JDP2: variants seen among roughly 807,000 people sequenced by gnomAD.
JDP2 encodes the protein Jun dimerization protein 2.
JDP2 carries 9 observed loss-of-function variants against 17.1 expected under a neutral mutation model. The ratio of observed to expected loss-of-function variants is 0.53; its 90% CI spans 0.32 to 0.92. JDP2 has a LOEUF of 0.92. Among genes scored for constraint, JDP2 ranks in the 40% least tolerant of loss-of-function variants. JDP2 has a pLI of 0.04. For synonymous variants in JDP2, 107 were observed against 95.6 expected (o/e 1.12, Z -0.69); for missense variants, 179 against 220.0 (o/e 0.81, Z 1.18).
chr14:75,455,108 C>G (rs527810924), intron 2 of JDP2, among the ~76,000 whole-genome samples: 2 of 152,116 alleles, frequency 1.3e-5, no homozygotes, highest in Admixed American at 1.3e-4. Context: ...AGTCCTTAAT[C>G]GGCTCCAGGG....
In JDP2 at chr14:75,471,154, T is replaced by A. The variant is rs1886801484; in HGVS notation, c.*1679T>A. The A allele has an allele frequency of 6.6e-6, 1 of 152,206 alleles. No individual in the cohort carries two copies. The highest frequency in any genetic ancestry group is 2.4e-5 in the African/African-American group (1 of 41,434). 9.4% of individuals were successfully genotyped at this position (152,206 alleles called of 1,614,324 possible). Reference sequence around the variant, plus strand: ...ATGAGGCCACAGTTATAGATTTAGTTTCTGGGAAGGCTGGATAGAGTTCCA... The same window carrying A: ...ATGAGGCCACAGTTATAGATTTAGTATCTGGGAAGGCTGGATAGAGTTCCA... On this transcript the variant is annotated 3_prime_UTR_variant, in exon 4 of 4. Transcript: ENST00000651602.
Position 75,457,655 on chromosome 14 carries a change from G to T in JDP2, c.202-3771G>T, listed in dbSNP as rs571281920. ...GGCCTGGGGCTGGGCTTGGAAGCTG[G>T]TGGTGGCTGTGGAACTGGGGGCTCT... On this transcript the variant is annotated intron_variant, in intron 2 of 3. Coordinates refer to ENST00000651602, the MANE Select transcript of JDP2 (RefSeq NM_001135048.2). Among the ~76,000 whole-genome samples, 200 of 152,346 alleles carry T rather than the reference G, an allele frequency of 1.3e-3. 1 individual carries two copies. The highest frequency in any genetic ancestry group is 2.2e-3 in the Non-Finnish European group (151 of 68,030).
intron 1 of JDP2, among the ~76,000 whole-genome samples, chr14:75,437,451 C>G (rs1885120587): frequency 6.6e-6 from 1 of 152,238 alleles, no homozygotes. Flanking sequence ...TTATAATTCG[C>G]TCTCTTCAGA....
chr14:75,458,872 G>T (rs957670802), intron 2 of JDP2, among the ~76,000 whole-genome samples: 3 of 152,180 alleles, frequency 2.0e-5, no homozygotes, highest in African/African-American at 7.2e-5. Flanking sequence ...CTTGGAGAAG[G>T]GTGAGACATT....
rs914457650 is a variant in JDP2, at chr14:75,470,338, T to C, written c.*863T>C. On this transcript the variant is annotated 3_prime_UTR_variant, in exon 4 of 4. Coordinates refer to ENST00000651602, the MANE Select transcript of JDP2 (RefSeq NM_001135048.2). The stretch of plus-strand genomic sequence containing the variant: ...ACGGCCGTTGTGTGTAACTCCTAAG[T>C]ACTGTAGTCTCTGGGTGTCGGGGGT... 1 of 152,364 alleles carries C rather than the reference T, an allele frequency of 6.6e-6. No homozygotes were observed. The highest frequency in any genetic ancestry group is 2.4e-5 in the African/African-American group (1 of 41,316). 9.4% of individuals were successfully genotyped at this position (152,364 alleles called of 1,614,324 possible).
intron 1 of JDP2, among the ~76,000 whole-genome samples, chr14:75,435,055 G>A (rs775195379): frequency 3.9e-5 from 6 of 152,232 alleles, no homozygotes; most frequent in East Asian, 3.8e-4. Flanking sequence ...GCTGCTGGCC[G>A]CGTGGCCACA....
rs911637217 is a variant in JDP2 at position 75,469,547 on chromosome 14, G to A, written c.*72G>A. The A allele has an allele frequency of 9.4e-5, 123 of 1,303,520 alleles. No homozygotes were observed. Among genetic ancestry groups the A allele is most frequent in the Non-Finnish European group, 1.3e-4 (118 of 937,126 alleles). 80.7% of individuals were successfully genotyped at this position (1,303,520 alleles called of 1,614,324 possible). On this transcript the variant is annotated 3_prime_UTR_variant, in exon 4 of 4. Coordinates refer to ENST00000651602, the MANE Select transcript of JDP2 (RefSeq NM_001135048.2). ...GTGACGAAGAGAGAGGAGGAGGGGG[G>A]CCCCAGATGGCCCTTCCTTTGGTGC...
chr14:75,433,992 C>T (rs567063808), intron 1 of JDP2, among the ~76,000 whole-genome samples: 117 of 152,230 alleles, frequency 7.7e-4, no homozygotes, highest in Non-Finnish European at 1.2e-3. Flanking sequence ...GCTTTTAGTG[C>T]GTAGTTCTTC....
chr14:75,433,258 G>A (rs1185012888), intron 1 of JDP2, among the ~76,000 whole-genome samples: 1 of 134,626 alleles, frequency 7.4e-6, no homozygotes, highest in Non-Finnish European at 1.6e-5. Flanking sequence ...AAGTAATCGC[G>A]GGTTTTGCCA....
At chr14:75,462,022 C>G (rs993522999) in intron 3 of JDP2, among the ~76,000 whole-genome samples, 2 of 152,230 alleles carry the variant, frequency 1.3e-5, no homozygotes, top group Non-Finnish European at 2.9e-5. Context: ...TGCCATCTGG[C>G]CAGCCCCTCA....
chr14:75,463,972 T>C (rs1341556137), intron 3 of JDP2, among the ~76,000 whole-genome samples: 1 of 152,218 alleles, frequency 6.6e-6, no homozygotes, highest in African/African-American at 2.4e-5. Context: ...CTGGCGGCAA[T>C]GTGGGGCACA....
At chr14:75,431,129 C>T (rs923202673) in intron 1 of JDP2, among the ~76,000 whole-genome samples, 1 of 152,154 alleles carries the variant, frequency 6.6e-6, no homozygotes, top group Non-Finnish European at 1.5e-5. Flanking sequence ...CACCAAGGAC[C>T]AGAGCTGGCG....
chr14:75,445,389 T>G (rs1188049433), intron 2 of JDP2: 7 of 985,326 alleles, frequency 7.1e-6, no homozygotes, highest in Non-Finnish European at 8.4e-6. Flanking sequence ...GCTCTGTGGC[T>G]ACAGGATCCC....
At chr14:75,464,439 A>G (rs1886482782) in intron 3 of JDP2, among the ~76,000 whole-genome samples, 1 of 152,242 alleles carries the variant, frequency 6.6e-6, no homozygotes, top group African/African-American at 2.4e-5. Flanking sequence ...TCCCTAAACA[A>G]TGCAGCATAG....
intron 2 of JDP2, 47 bp from the exon 3 acceptor site, chr14:75,461,379 C>A: frequency 6.9e-7 from 1 of 1,441,398 alleles, no homozygotes. Context: ...AGAAACTGTA[C>A]TCCAAGCCTG....
At chr14:75,432,142 G>A in intron 1 of JDP2, 2 of 615,434 alleles carry the variant, frequency 3.2e-6, no homozygotes, top group Non-Finnish European at 2.9e-6. Flanking sequence ...ATCTGAAGAG[G>A]GCCTTTTGCT....
intron 1 of JDP2, among the ~76,000 whole-genome samples, chr14:75,429,491 CCTTGGTAG>C (rs1884689929): frequency 3.3e-5 from 5 of 152,028 alleles, no homozygotes; most frequent in African/African-American, 1.2e-4. Flanking sequence ...TCCTTTAAGC[CCTTGGTAG>C]AAACTGCATT....
rs1884659620 is a variant in JDP2, at chr14:75,428,876, C to A, written c.-24+624C>A. Among the ~76,000 whole-genome samples the A allele has an allele frequency of 1.3e-5, 2 of 152,098 alleles. No homozygotes were observed. The highest frequency in any genetic ancestry group is 1.3e-4 in the Admixed American group (2 of 15,280). On this transcript the variant is annotated intron_variant, in intron 1 of 3. Coordinates refer to ENST00000651602, the MANE Select transcript of JDP2 (RefSeq NM_001135048.2). This position sits in a 1 kb window ranked among gnomAD's most constrained non-coding sequence, Gnocchi z 5.6. ...GAGGGGATCTAGGGGTGGCCGGGGT[C>A]CCCTTTGGGCTCTCCTGTCTCCCAC... is the stretch of plus-strand genomic sequence containing the variant.
intron 3 of JDP2, among the ~76,000 whole-genome samples, chr14:75,466,054 T>A (rs1421590255): frequency 1.3e-5 from 2 of 152,210 alleles, no homozygotes; most frequent in African/African-American, 4.8e-5. Flanking sequence ...AAAAAGATTC[T>A]TCTGAACTCA....
Sources: gnomAD v4.1 joint callset for allele counts (sites outside exome capture counted in the v4.1 genomes callset) on GRCh38, gnomAD v4.1.1 for gene constraint, Gnocchi (gnomAD v3.1) non-coding constraint, MANE v1.5 for transcripts, NCBI Gene and HGNC (gene_info 2026-07-23, HGNC 2026-07-21) for gene names.